Variants in ANKRD36C observed in about 807,000 individuals in gnomAD.
ANKRD36C encodes the protein ankyrin repeat domain-containing protein 36C.
A neutral mutation model predicts 276.4 loss-of-function variants in ANKRD36C; 61 were observed. The observed-to-expected ratio is 0.22, with a 90% CI of 0.18 to 0.27. The LOEUF (loss-of-function observed/expected upper bound fraction) is 0.27. ANKRD36C is among the 10% of genes least tolerant of loss of function. ANKRD36C has a pLI of 1.00. For missense variants in ANKRD36C, 1,447 were observed against 2,032.3 expected, an observed-to-expected ratio of 0.71 and a Z score of 5.54; for synonymous variants, 483 against 680.1, an observed-to-expected ratio of 0.71 and a Z score of 4.51.
At chr2:95,891,032 G>A (rs1174179406) in intron 46 of ANKRD36C, among the ~76,000 whole-genome samples, 2 of 151,386 alleles carry the variant, frequency 1.3e-5, no homozygotes, top group South Asian at 2.1e-4. Context: ...TCAGTGTGGT[G>A]TATTCCAATT....
intron 40 of ANKRD36C, among the ~76,000 whole-genome samples, chr2:95,913,514 A>G (rs1676996308): frequency 6.6e-6 from 1 of 151,418 alleles, no homozygotes; most frequent in Admixed American, 6.6e-5. Flanking sequence ...TGCTTCCAGT[A>G]GTTCCTGGAG....
intron 3 of ANKRD36C, among the ~76,000 whole-genome samples, chr2:95,984,408 G>A (rs878886573): frequency 3.9e-5 from 6 of 152,178 alleles, no homozygotes; most frequent in African/African-American, 1.2e-4. Context: ...ATCTGTGCAC[G>A]AGTCTCCTAA....
chr2:95,923,855 G>GTT (rs1677340398), intron 30 of ANKRD36C, among the ~76,000 whole-genome samples, 166 bp from the exon 31 acceptor site: 1 of 151,546 alleles, frequency 6.6e-6, no homozygotes, highest in Non-Finnish European at 1.5e-5. Flanking sequence ...TGAAAAAAAA[G>GTT]AAATACAGGT....
intron 13 of ANKRD36C, 120 bp from the exon 14 acceptor site, chr2:95,954,125 C>G (rs111807008): frequency 3.0e-5 from 33 of 1,093,014 alleles, no homozygotes; most frequent in Non-Finnish European, 8.9e-6. Context: ...TCTGAGGAAA[C>G]TCAGTTATCT....
At chr2:95,910,559 T>C (rs1676885370) in intron 42 of ANKRD36C, 1 of 1,606,492 alleles carries the variant, frequency 6.2e-7, no homozygotes, top group Non-Finnish European at 8.5e-7. Context: ...TGGTGGTTTC[T>C]GAGAAGACAC....
exon 56 of ANKRD36C, chr2:95,882,315 C>A (rs1306478096): frequency 6.4e-6 from 10 of 1,551,300 alleles, no homozygotes; most frequent in Non-Finnish European, 8.7e-6. Flanking sequence ...TTCCAGATTT[C>A]CAACCGCCCG....
At chr2:95,965,064 A>G (rs897980929) in intron 6 of ANKRD36C, among the ~76,000 whole-genome samples, 4 of 151,982 alleles carry the variant, frequency 2.6e-5, no homozygotes, top group African/African-American at 9.7e-5. Flanking sequence ...AGAATGGTGT[A>G]ATTTTTTGCA....
At chr2:95,973,328 C>T (rs565512722) in intron 6 of ANKRD36C, among the ~76,000 whole-genome samples, 3 of 152,022 alleles carry the variant, frequency 2.0e-5, no homozygotes, top group Admixed American at 1.3e-4. Flanking sequence ...AGGAGAAGCG[C>T]TTGAACCCAG....
chr2:95,887,237 G>A (rs2104338397), intron 50 of ANKRD36C, among the ~76,000 whole-genome samples: 1 of 151,738 alleles, frequency 6.6e-6, no homozygotes, highest in Non-Finnish European at 1.5e-5. Context: ...AACAAAACGT[G>A]TAAGTCTGAT....
intron 42 of ANKRD36C, among the ~76,000 whole-genome samples, chr2:95,907,774 T>A: frequency 6.7e-6 from 1 of 149,976 alleles, no homozygotes; most frequent in Non-Finnish European, 1.5e-5. Context: ...TTTATTCATA[T>A]TCAAGATTAT....
At chr2:95,985,722 C>T (rs1355212640) in intron 3 of ANKRD36C, among the ~76,000 whole-genome samples, 1 of 152,152 alleles carries the variant, frequency 6.6e-6, no homozygotes, top group Non-Finnish European at 1.5e-5. Context: ...TGGCAAATTC[C>T]CTTTATCGTT....
intron 6 of ANKRD36C, among the ~76,000 whole-genome samples, chr2:95,973,085 C>G (rs1678729791): frequency 6.6e-6 from 1 of 151,772 alleles, no homozygotes; most frequent in African/African-American, 2.4e-5. Flanking sequence ...CCATTGCACT[C>G]CAGCCTGGGA....
intron 42 of ANKRD36C, among the ~76,000 whole-genome samples, chr2:95,902,314 A>AAC (rs1676678627): frequency 6.7e-6 from 1 of 149,092 alleles, no homozygotes; most frequent in East Asian, 2.0e-4. Flanking sequence ...AAAATCAAAT[A>AAC]TTTGTTATGA....
chr2:95,932,684 A>G (rs1256165357), intron 24 of ANKRD36C, among the ~76,000 whole-genome samples: 26 of 150,240 alleles, frequency 1.7e-4, no homozygotes, highest in African/African-American at 6.5e-4. Context: ...TCTACCAAAG[A>G]GTCAGGAAAG....
intron 3 of ANKRD36C, among the ~76,000 whole-genome samples, chr2:95,983,531 A>C (rs1324333352): frequency 2.6e-5 from 4 of 151,932 alleles, no homozygotes; most frequent in Non-Finnish European, 5.9e-5. Flanking sequence ...AGCTCTAATA[A>C]TGACTTATAT....
chr2:95,989,917 C>T (rs1175666903), intron 1 of ANKRD36C, among the ~76,000 whole-genome samples: 3 of 152,066 alleles, frequency 2.0e-5, no homozygotes, highest in South Asian at 2.1e-4. Flanking sequence ...AAAAAAAATG[C>T]TTTGCTCTAT....
At chr2:95,933,117 G>A (rs1677610184) in intron 24 of ANKRD36C, among the ~76,000 whole-genome samples, 1 of 152,280 alleles carries the variant, frequency 6.6e-6, no homozygotes, top group African/African-American at 2.4e-5. Context: ...TACTTCTGAG[G>A]CCTCTGTTCT....
chr2:95,915,876 T>C, intron 38 of ANKRD36C, 104 bp downstream of exon 40: 1 of 1,415,814 alleles, frequency 7.1e-7, no homozygotes, highest in South Asian at 1.2e-5. Flanking sequence ...TCAGGCCTGT[T>C]GAATCAGAAT....
chr2:95,855,398 T>C, exon 63 of ANKRD36C: 1 of 1,613,506 alleles, frequency 6.2e-7, no homozygotes, highest in South Asian at 1.1e-5. Context: ...GGTTTTCTAC[T>C]CTAGCATCAC....
Sources: allele counts gnomAD v4.1 joint callset (sites outside exome capture counted in the v4.1 genomes callset), GRCh38; gene constraint gnomAD v4.1.1; transcripts MANE v1.5; gene names NCBI Gene and HGNC (gene_info 2026-07-23, HGNC 2026-07-21).